The following IBSP variants were observed in gnomAD, a reference collection of about 807,000 sequenced individuals.
IBSP encodes the protein integrin-binding sialoprotein.
In IBSP, 19 loss-of-function variants were observed where a neutral mutation model predicts 25.5. The observed-to-expected ratio is 0.74, with a 90% CI of 0.52 to 1.09. IBSP has a LOEUF of 1.09. IBSP is among the 50% of genes least tolerant of loss of function. The pLI, the probability that IBSP is intolerant of heterozygous loss-of-function variation, is 0.00. For missense variants in IBSP, 360 were observed against 382.3 expected (o/e 0.94, Z 0.49); for synonymous variants, 144 against 137.6 (o/e 1.05, Z -0.33).
intron 5 of IBSP, 102 bp from the exon 6 acceptor site, chr4:87,810,504 T>C: frequency 1.1e-6 from 1 of 941,308 alleles, no homozygotes; most frequent in South Asian, 1.6e-5. Flanking sequence ...GATGCAAAGT[T>C]TTTCCAAATA....
At chr4:87,806,294 C>T (rs1361169437) in intron 5 of IBSP, 110 bp downstream of exon 5, 3 of 779,940 alleles carry the variant, frequency 3.8e-6, no homozygotes, top group African/African-American at 1.8e-5. Flanking sequence ...ACTTTACTAA[C>T]TGCCCATAAT....
At chr4:87,801,868 C>G (rs1047632609) in intron 1 of IBSP, among the ~76,000 whole-genome samples, 1 of 152,124 alleles carries the variant, frequency 6.6e-6, no homozygotes, top group Non-Finnish European at 1.5e-5. Context: ...AACTCTTGGA[C>G]TCAAGCGATC....
chr4:87,808,338 T>C (rs1025847307), intron 5 of IBSP, among the ~76,000 whole-genome samples: 4 of 152,032 alleles, frequency 2.6e-5, no homozygotes, highest in Non-Finnish European at 4.4e-5. Context: ...CCGGCCACCA[T>C]GCCTGGCTAA....
intron 4 of IBSP, among the ~76,000 whole-genome samples, chr4:87,803,074 A>T (rs1416512790): frequency 1.3e-5 from 2 of 152,206 alleles, no homozygotes; most frequent in Non-Finnish European, 2.9e-5. Context: ...TGATAAGGTC[A>T]CTGGCTGTCC....
chr4:87,805,641 A>G (rs1257709549), intron 4 of IBSP, among the ~76,000 whole-genome samples: 1 of 152,214 alleles, frequency 6.6e-6, no homozygotes, highest in Non-Finnish European at 1.5e-5. Flanking sequence ...TTTTCTAAAT[A>G]AAATTTTAAA....
intron 5 of IBSP, among the ~76,000 whole-genome samples, chr4:87,807,008 A>C (rs1373993060): frequency 6.6e-6 from 1 of 151,770 alleles, no homozygotes; most frequent in Non-Finnish European, 1.5e-5. Context: ...CTGTCACAGA[A>C]AAAAAAAACA....
intron 4 of IBSP, among the ~76,000 whole-genome samples, chr4:87,804,433 T>C (rs2110056638): frequency 6.6e-6 from 1 of 152,358 alleles, no homozygotes; most frequent in South Asian, 2.1e-4. Context: ...TTGTGGCTTA[T>C]ATATCTGCTA....
chr4:87,808,423 C>T (rs1475975397), intron 5 of IBSP, among the ~76,000 whole-genome samples: 3 of 152,012 alleles, frequency 2.0e-5, no homozygotes, highest in Non-Finnish European at 2.9e-5. Context: ...CCTCGTGATC[C>T]GCCCGCCTCG....
rs767028509 is a variant in IBSP, at chr4:87,806,105, T to C, written c.184-17T>C. On this transcript the variant is annotated splice_polypyrimidine_tract_variant and intron_variant, in intron 4 of 6. Transcript: ENST00000226284. ...GTACACAGATAAGAGTATACATACATGTGTATATATTTTTAGGGCAGTAGT... is the reference window on the plus strand; with the variant it reads ...GTACACAGATAAGAGTATACATACACGTGTATATATTTTTAGGGCAGTAGT... 40 of 1,561,382 alleles carry C rather than the reference T, an allele frequency of 2.6e-5. No homozygotes were observed. The highest frequency in any genetic ancestry group is 3.3e-5 in the Non-Finnish European group (37 of 1,134,314).
At chr4:87,802,459 T>G (rs373609852) in intron 2 of IBSP, 44 bp downstream of exon 2, 5 of 1,595,708 alleles carry the variant, frequency 3.1e-6, no homozygotes, top group Non-Finnish European at 4.3e-6. Flanking sequence ...AGTTTTGTCT[T>G]TTTATGTAAA....
At chr4:87,802,051 C>T (rs1722025155) in intron 1 of IBSP, among the ~76,000 whole-genome samples, 1 of 152,096 alleles carries the variant, frequency 6.6e-6, no homozygotes, top group African/African-American at 2.4e-5. Context: ...GTGAAGTACC[C>T]TAAGTAGTCA....
intron 1 of IBSP, among the ~76,000 whole-genome samples, chr4:87,800,722 A>G (rs1722002256): frequency 6.6e-6 from 1 of 152,212 alleles, no homozygotes; most frequent in Admixed American, 6.6e-5. Flanking sequence ...TTAGGACCCA[A>G]GACAGTATCT....
intron 3 of IBSP, 27 bp downstream of exon 3, chr4:87,802,585 G>C (rs1216406522): frequency 6.3e-7 from 1 of 1,588,588 alleles, no homozygotes; most frequent in East Asian, 2.2e-5. Flanking sequence ...TACTTCCTTG[G>C]CCTGATTATA....
At position 87,812,144 on chromosome 4, in the gene IBSP, C is replaced by T; in HGVS notation, c.*234C>T. 2.5e-6 allele frequency: 1 copy of T among 405,510 alleles called. No individual in the cohort carries two copies. The highest frequency in any genetic ancestry group is 4.3e-6 in the Non-Finnish European group (1 of 231,900). The allele number at this position is 405,510 out of a possible 1,614,324, so 25.1% of individuals were successfully genotyped here. On this transcript the variant is annotated 3_prime_UTR_variant, in exon 7 of 7. Coordinates refer to ENST00000226284, the MANE Select transcript of IBSP (RefSeq NM_004967.4). ...CAGGACCATTTATCAAGCAGTACAC[C>T]AACTCATAAGATCAAATTTCATTGA... is the stretch of plus-strand genomic sequence containing the variant.
At chr4:87,807,078 A>T (rs1722099960) in intron 5 of IBSP, among the ~76,000 whole-genome samples, 1 of 152,174 alleles carries the variant, frequency 6.6e-6, no homozygotes, top group Non-Finnish European at 1.5e-5. Context: ...TAGGTATATA[A>T]ATATCTTCCC....
In IBSP at chr4:87,811,994, A is replaced by G; in HGVS notation, c.*84A>G. 1 of 1,057,676 alleles carries G rather than the reference A, an allele frequency of 9.5e-7. No homozygotes were observed. Among genetic ancestry groups the G allele is most frequent in the Non-Finnish European group, 1.4e-6 (1 of 729,230 alleles). The allele number at this position is 1,057,676 out of a possible 1,614,324, so 65.5% of individuals were successfully genotyped here. ...AGTTCAACTCAGGAAGGTGCAATAT[A>G]ACAAATGTGCATATTATAATGAGGA... is the stretch of plus-strand genomic sequence containing the variant. On this transcript the variant is annotated 3_prime_UTR_variant, in exon 7 of 7. Coordinates refer to ENST00000226284, the MANE Select transcript of IBSP (RefSeq NM_004967.4).
intron 4 of IBSP, among the ~76,000 whole-genome samples, chr4:87,804,662 C>T (rs1027700927): frequency 1.3e-5 from 2 of 151,418 alleles, no homozygotes. Context: ...TCTGTGTAGA[C>T]AAATGAAAGA....
At position 87,811,769 on chromosome 4, in the gene IBSP, C is replaced by A; in HGVS notation, c.813C>A (p.Tyr271Ter). 6.2e-7 allele frequency: 1 copy of A among 1,613,700 alleles called. No homozygotes were observed. Among genetic ancestry groups the A allele is most frequent in the Non-Finnish European group, 8.5e-7 (1 of 1,179,868 alleles). Residue 271 changes from tyrosine to a stop codon, truncating the protein, a stop_gained, in exon 7 of 7, where the codon TAC becomes TAA. Transcript: ENST00000226284. LOFTEE classifies it high-confidence loss of function. ...GEYEYTGANE[Y>*]DNGYEIYESE... ...ACGAATACACGGGCGCCAATGAATA[C>A]GACAATGGATATGAAATCTATGAAA... is the stretch of plus-strand genomic sequence containing the variant.
At chr4:87,802,811 T>A in intron 4 of IBSP, 80 bp downstream of exon 4, 3 of 858,746 alleles carry the variant, frequency 3.5e-6, no homozygotes, top group Non-Finnish European at 5.1e-6. Flanking sequence ...ATAAAACACC[T>A]AAATTCAACT....
Sources: allele counts gnomAD v4.1 joint callset (sites outside exome capture counted in the v4.1 genomes callset), GRCh38; gene constraint gnomAD v4.1.1; transcripts MANE v1.5; gene names NCBI Gene and HGNC (gene_info 2026-07-23, HGNC 2026-07-21).